MYLK3: variants seen among roughly 807,000 people sequenced by gnomAD.
MYLK3 encodes MLC kinase.
A neutral mutation model predicts 76.3 loss-of-function variants in MYLK3; 55 were observed. That is an observed-to-expected ratio of 0.72 (90% confidence interval 0.58 to 0.90). The LOEUF is 0.90. MYLK3 is among the 40% of genes least tolerant of loss of function. The pLI is 0.00. For synonymous variants in MYLK3, 416 were observed against 425.4 expected, an observed-to-expected ratio of 0.98 and a Z score of 0.27; for missense variants, 973 against 1,053.6, an observed-to-expected ratio of 0.92 and a Z score of 1.06.
chr16:46,731,132 TA>T (rs1966851751), intron 4 of MYLK3, among the ~76,000 whole-genome samples: 1 of 152,028 alleles, frequency 6.6e-6, no homozygotes, highest in Non-Finnish European at 1.5e-5. Flanking sequence ...GCTGGAGAAA[TA>T]AACATCCACC....
At chr16:46,729,714 C>T (rs1223118858) in intron 5 of MYLK3, 27 bp from the exon 6 acceptor site, 2 of 1,603,200 alleles carry the variant, frequency 1.2e-6, no homozygotes, top group African/African-American at 1.3e-5. Flanking sequence ...ACACGGCAGG[C>T]TGAGAGCCCA....
intron 1 of MYLK3, among the ~76,000 whole-genome samples, chr16:46,742,445 AAAAC>A (rs1448062456): frequency 1.8e-3 from 235 of 130,256 alleles, no homozygotes; most frequent in South Asian, 5.2e-3. Context: ...AATCCCAGCA[AAAAC>A]ACACACACAC....
At position 46,716,155 on chromosome 16, in the gene MYLK3, T is replaced by C. The variant is rs140470792; in HGVS notation, c.1986-3379A>G. On this transcript the variant is annotated intron_variant, in intron 9 of 12. Transcript: ENST00000394809. ...GTCACCAGAGCCCAGCTGTTTTCCA[T>C]GAGTGGCCTGCTCTTACATGTGGCA... 2.9e-3 allele frequency among the ~76,000 whole-genome samples: 435 copies of C among 152,278 alleles called. 2 individuals carry two copies. Among genetic ancestry groups the C allele is most frequent in the African/African-American group, 9.8e-3 (407 of 41,560 alleles).
At chr16:46,759,113 G>A (rs1231632863) in intron 1 of MYLK3, among the ~76,000 whole-genome samples, 1 of 152,200 alleles carries the variant, frequency 6.6e-6, no homozygotes, top group Non-Finnish European at 1.5e-5. Flanking sequence ...CCTGGTGAGG[G>A]GGTGTCCCCA....
At chr16:46,717,363 A>G (rs1966752626) in intron 9 of MYLK3, among the ~76,000 whole-genome samples, 1 of 152,208 alleles carries the variant, frequency 6.6e-6, no homozygotes, top group African/African-American at 2.4e-5. Flanking sequence ...TTCCCCAAAC[A>G]GCCACTCAGC....
At chr16:46,757,292 G>A in intron 1 of MYLK3, 1 of 843,076 alleles carries the variant, frequency 1.2e-6, no homozygotes, top group Non-Finnish European at 1.4e-6. Flanking sequence ...AAAGCTTTCT[G>A]CTGACTTTCT....
intron 1 of MYLK3, among the ~76,000 whole-genome samples, chr16:46,758,812 G>A (rs1166746480): frequency 6.6e-6 from 1 of 152,210 alleles, no homozygotes; most frequent in African/African-American, 2.4e-5. Flanking sequence ...GGGTTGAGAG[G>A]TGTGTGCGGG....
chr16:46,737,986 C>T lies in MYLK3; in HGVS notation c.726G>A (p.Leu242=), dbSNP rs1171270807. Residue 242 remains leucine (L), a synonymous_variant, in exon 3 of 13, where the codon CTG becomes CTA. Coordinates refer to ENST00000394809, the MANE Select transcript of MYLK3 (RefSeq NM_182493.3). ...GAGCCTTGGCTTCCACCTTTGTGGGCAGGGGCAGGTGGCCAGGGAATGCCT... is the reference window on the plus strand; with the variant it reads ...GAGCCTTGGCTTCCACCTTTGTGGGTAGGGGCAGGTGGCCAGGGAATGCCT... ...PAQAFPGHLP[L]PTKVEAKAPE... 1.9e-6 allele frequency: 3 copies of T among 1,613,964 alleles called. No individual in the cohort carries two copies. Among genetic ancestry groups the T allele is most frequent in the East Asian group, 2.2e-5 (1 of 44,878 alleles).
chr16:46,738,641 T>C (rs1017918756), intron 2 of MYLK3, among the ~76,000 whole-genome samples: 5 of 152,258 alleles, frequency 3.3e-5, no homozygotes, highest in Non-Finnish European at 5.9e-5. Context: ...GAGAATGGTG[T>C]GTCTGGCATC....
intron 1 of MYLK3, among the ~76,000 whole-genome samples, chr16:46,753,346 A>C (rs1298579371): frequency 2.0e-5 from 3 of 152,180 alleles, no homozygotes; most frequent in African/African-American, 7.2e-5. Flanking sequence ...CTTCTGGAGA[A>C]ATGTAATGGT....
At chr16:46,728,033 G>A (rs1966845936) in intron 7 of MYLK3, among the ~76,000 whole-genome samples, 1 of 152,224 alleles carries the variant, frequency 6.6e-6, no homozygotes, top group Admixed American at 6.5e-5. Flanking sequence ...GCCTAAATGG[G>A]CCAATAAGGC....
At chr16:46,759,366 A>C (rs779653511) in intron 1 of MYLK3, among the ~76,000 whole-genome samples, 3 of 152,270 alleles carry the variant, frequency 2.0e-5, no homozygotes, top group Non-Finnish European at 4.4e-5. Flanking sequence ...TCATTCACTG[A>C]GCAACAACAA....
chr16:46,729,224 A>C, intron 6 of MYLK3, 91 bp from the exon 7 acceptor site: 1 of 969,102 alleles, frequency 1.0e-6, no homozygotes, highest in Non-Finnish European at 1.7e-6. Context: ...AGAACTCCTC[A>C]TTCTTCCTTA....
chr16:46,758,858 C>T (rs937412563), intron 1 of MYLK3, among the ~76,000 whole-genome samples: 1 of 152,006 alleles, frequency 6.6e-6, no homozygotes, highest in African/African-American at 2.4e-5. Context: ...TCGGCTCTGA[C>T]GGTTGTCTGA....
chr16:46,717,453 G>A (rs2143013272), intron 9 of MYLK3, among the ~76,000 whole-genome samples: 1 of 152,224 alleles, frequency 6.6e-6, no homozygotes, highest in East Asian at 1.9e-4. Flanking sequence ...AGACTCTGTG[G>A]CCTATAGGAT....
At position 46,721,179 on chromosome 16, in the gene MYLK3, C is replaced by G; in HGVS notation, c.1929G>C (p.Leu643Phe). 6.2e-7 allele frequency: 1 copy of G among 1,614,178 alleles called. No homozygotes were observed. The highest frequency in any genetic ancestry group is 8.5e-7 in the Non-Finnish European group (1 of 1,180,028). ...LHLDLKPENI[L>F]CVNQTGHQIK... ...TTTGATGTCCTGTCTGATTGACGCACAATATGTTCTCCGGCTGGGAAAGAA... is the reference window on the plus strand; with the variant it reads ...TTTGATGTCCTGTCTGATTGACGCAGAATATGTTCTCCGGCTGGGAAAGAA... The change falls in exon 9 of 13, where the codon TTG becomes TTC. Residue 643 changes from leucine to phenylalanine, a missense_variant. Leu to Phe is a conservative substitution (Grantham distance 22, BLOSUM62 0). This residue lies in a region of MYLK3 where 332 missense variants were observed against 416.6 expected (regional missense o/e 0.80). Transcript: ENST00000394809.
At chr16:46,728,776 T>G (rs1358380672) in intron 7 of MYLK3, among the ~76,000 whole-genome samples, 1 of 152,186 alleles carries the variant, frequency 6.6e-6, no homozygotes, top group Non-Finnish European at 1.5e-5. Flanking sequence ...GTAGTATAGG[T>G]CAATTGACAT....
chr16:46,748,378 T>G, upstream of MYLK3: 1 of 1,122,920 alleles, frequency 8.9e-7, no homozygotes, highest in Non-Finnish European at 1.2e-6. This position sits in a 1 kb window ranked among gnomAD's most constrained non-coding sequence, Gnocchi z 4.3. Context: ...TTCCTGTGCC[T>G]TTGCTTTGCT....
Position 46,732,220 on chromosome 16 carries a change from T to G in MYLK3, c.1450A>C (p.Ser484Arg). Residue 484 changes from serine (S) to arginine (R), a missense_variant, in exon 4 of 13, where the codon AGC (serine) becomes CGC (arginine). This residue lies in a region of MYLK3 where 641 missense variants were observed against 637.0 expected (regional missense o/e 1.01). Coordinates refer to ENST00000394809, the MANE Select transcript of MYLK3 (RefSeq NM_182493.3). The stretch of plus-strand genomic sequence containing the variant: ...CAGCCCCACTTACCCAGAACCACGC[T>G]GCCAGCCTCGGCGCCTGGGGGCATC... ...RRMPPGAEAG[S>R]VVLDDSPAPP... The G allele has an allele frequency of 6.3e-7, 1 of 1,586,032 alleles. No homozygotes were observed. Among genetic ancestry groups the G allele is most frequent in the African/African-American group, 1.3e-5 (1 of 74,678 alleles).
Sources: gnomAD v4.1 joint callset for allele counts (sites outside exome capture counted in the v4.1 genomes callset) on GRCh38, gnomAD v4.1.1 for gene constraint, gnomAD v4.1.1 regional missense constraint, Gnocchi (gnomAD v3.1) non-coding constraint, MANE v1.5 for transcripts, NCBI Gene and HGNC (gene_info 2026-07-23, HGNC 2026-07-21) for gene names.